CNTNAP2: variants seen among roughly 807,000 people sequenced by gnomAD.
The protein encoded by CNTNAP2 is contactin-associated protein-like 2.
A neutral mutation model predicts 155.2 loss-of-function variants in CNTNAP2; 98 were observed. The observed-to-expected ratio is 0.63, with a 90% CI of 0.54 to 0.75. The LOEUF is 0.75. Among genes scored for constraint, CNTNAP2 ranks in the 30% least tolerant of loss-of-function variants. The pLI is 0.00. For missense variants in CNTNAP2, 1,727 were observed against 1,688.1 expected, an observed-to-expected ratio of 1.02 and a Z score of -0.40; for synonymous variants, 651 against 631.2, an observed-to-expected ratio of 1.03 and a Z score of -0.47.
chr7:146,930,755 T>G (rs1417640069), intron 3 of CNTNAP2, among the ~76,000 whole-genome samples: 1 of 151,642 alleles, frequency 6.6e-6, no homozygotes, highest in Non-Finnish European at 1.5e-5. Context: ...ACCAAGCAAA[T>G]GGAAAACAAA....
chr7:146,630,892 C>T (rs1035345544), intron 1 of CNTNAP2, among the ~76,000 whole-genome samples: 1 of 151,938 alleles, frequency 6.6e-6, no homozygotes, highest in African/African-American at 2.4e-5. Context: ...CAAACCACTG[C>T]TCAAGGAAAT....
intron 9 of CNTNAP2, among the ~76,000 whole-genome samples, chr7:147,329,520 TATTTGTAAC>T (rs1385243335): frequency 6.6e-6 from 1 of 152,118 alleles, no homozygotes; most frequent in Non-Finnish European, 1.5e-5. Flanking sequence ...CTAGTTGGTG[TATTTGTAAC>T]ATAAGATACG....
At chr7:147,486,595 A>C (rs1282279280) in intron 11 of CNTNAP2, among the ~76,000 whole-genome samples, 1 of 152,228 alleles carries the variant, frequency 6.6e-6, no homozygotes, top group Non-Finnish European at 1.5e-5. Context: ...TAAGAGGGTA[A>C]AAATATTTTA....
At chr7:146,420,162 T>C (rs1795991374) in intron 1 of CNTNAP2, among the ~76,000 whole-genome samples, 1 of 152,120 alleles carries the variant, frequency 6.6e-6, no homozygotes, top group African/African-American at 2.4e-5. Context: ...GAAGCAGTTG[T>C]CAGTACTTTA....
intron 11 of CNTNAP2, among the ~76,000 whole-genome samples, chr7:147,500,042 A>C (rs1798781786): frequency 6.6e-6 from 1 of 152,162 alleles, no homozygotes; most frequent in African/African-American, 2.4e-5. Context: ...GTATTTTTAA[A>C]ATCAAAAGAA....
intron 1 of CNTNAP2, among the ~76,000 whole-genome samples, chr7:146,512,147 A>AT (rs1174385292): frequency 6.6e-6 from 1 of 151,252 alleles, no homozygotes; most frequent in African/African-American, 2.4e-5. Context: ...CTCCTTTTTC[A>AT]TTTTTTATTT....
At chr7:147,568,886 A>G (rs35994590) in intron 12 of CNTNAP2, among the ~76,000 whole-genome samples, 35,846 of 152,062 alleles carry the variant, frequency 0.24, 5,099 homozygotes, top group Non-Finnish European at 0.32. Flanking sequence ...TTTACTGTCT[A>G]TCCTTAAACC....
intron 1 of CNTNAP2, among the ~76,000 whole-genome samples, chr7:146,547,326 A>G (rs1433353915): frequency 6.6e-6 from 1 of 151,602 alleles, no homozygotes; most frequent in African/African-American, 2.4e-5. Context: ...TTGTTTTTTA[A>G]TTTTTATTTT....
chr7:146,224,773 A>G (rs1425323013), intron 1 of CNTNAP2, among the ~76,000 whole-genome samples: 1 of 152,130 alleles, frequency 6.6e-6, no homozygotes, highest in South Asian at 2.1e-4. Context: ...CGTCTCAAAA[A>G]CAAACAAACA....
At chr7:146,614,872 G>T (rs780153181) in intron 1 of CNTNAP2, among the ~76,000 whole-genome samples, 1 of 151,962 alleles carries the variant, frequency 6.6e-6, no homozygotes, top group Non-Finnish European at 1.5e-5. Context: ...TACAAAAGTG[G>T]ATTATTTATT....
intron 1 of CNTNAP2, among the ~76,000 whole-genome samples, chr7:146,482,281 G>A (rs1291792237): frequency 1.3e-5 from 2 of 150,520 alleles, no homozygotes; most frequent in Non-Finnish European, 3.0e-5. Flanking sequence ...TTTCTGGATA[G>A]TAAAGTGTTT....
intron 1 of CNTNAP2, among the ~76,000 whole-genome samples, chr7:146,170,024 T>C (rs1427465499): frequency 6.7e-6 from 1 of 149,306 alleles, no homozygotes. Context: ...TTTTCTTTTT[T>C]TTTTTTTTTT....
intron 12 of CNTNAP2, among the ~76,000 whole-genome samples, chr7:147,621,751 A>G (rs138886094): frequency 4.4e-4 from 67 of 152,158 alleles, no homozygotes; most frequent in African/African-American, 1.6e-3. Context: ...AAAACAAATA[A>G]CAACATGGCA....
intron 21 of CNTNAP2, among the ~76,000 whole-genome samples, chr7:148,284,352 G>A (rs1797045400): frequency 6.6e-6 from 1 of 151,958 alleles, no homozygotes; most frequent in Admixed American, 6.6e-5. Context: ...CTTTCAGTTG[G>A]CTCTCATTCT....
At chr7:146,597,081 T>C (rs1798873218) in intron 1 of CNTNAP2, among the ~76,000 whole-genome samples, 2 of 151,876 alleles carry the variant, frequency 1.3e-5, no homozygotes, top group Admixed American at 6.6e-5. Flanking sequence ...TGAAGAAAAA[T>C]GTTATTGCAG....
chr7:147,887,678 G>C (rs1177570632), intron 13 of CNTNAP2, among the ~76,000 whole-genome samples: 1 of 152,124 alleles, frequency 6.6e-6, no homozygotes, highest in East Asian at 1.9e-4. Flanking sequence ...ATATGAGGAA[G>C]AAGGGTCCAT....
chr7:148,305,334 A>G (rs891475214), intron 21 of CNTNAP2, among the ~76,000 whole-genome samples: 1 of 150,864 alleles, frequency 6.6e-6, no homozygotes, highest in Admixed American at 6.6e-5. Context: ...TGAACTAATT[A>G]TGAATTGAAA....
At chr7:147,037,155 A>G (rs547879241) in intron 3 of CNTNAP2, among the ~76,000 whole-genome samples, 1 of 152,212 alleles carries the variant, frequency 6.6e-6, no homozygotes, top group African/African-American at 2.4e-5. Context: ...TTGTAGAAAT[A>G]AAAAATAAGG....
intron 1 of CNTNAP2, among the ~76,000 whole-genome samples, chr7:146,274,184 G>A (rs913552989): frequency 6.6e-6 from 1 of 152,094 alleles, no homozygotes; most frequent in Non-Finnish European, 1.5e-5. Flanking sequence ...GCGCCTGAAG[G>A]GGCAAAATCA....
Sources: gnomAD v4.1 joint callset for allele counts (sites outside exome capture counted in the v4.1 genomes callset) on GRCh38, gnomAD v4.1.1 for gene constraint, MANE v1.5 for transcripts, NCBI Gene and HGNC (gene_info 2026-07-23, HGNC 2026-07-21) for gene names.